Variants in IL5RA observed in about 807,000 individuals in gnomAD.
The protein encoded by IL5RA is interleukin 5 receptor subunit alpha.
Under a neutral mutation model 50.0 loss-of-function variants are expected in IL5RA, and 49 were observed. The ratio of observed to expected loss-of-function variants is 0.98; its 90% CI spans 0.78 to 1.24. The LOEUF is 1.24. IL5RA is among the 50% of genes most tolerant of loss of function. The probability of loss-of-function intolerance (pLI) is 0.00; values close to 1 mark genes in which losing one functional copy is unlikely to be tolerated. For missense variants in IL5RA, 600 were observed against 500.4 expected (o/e 1.20, Z -1.90); for synonymous variants, 202 against 174.0 (o/e 1.16, Z -1.26).
chr3:3,070,250 T>C lies in IL5RA; in HGVS notation c.1238A>G (p.Glu413Gly). 1 of 1,613,176 alleles carries C rather than the reference T, an allele frequency of 6.2e-7. No homozygotes were observed. The highest frequency in any genetic ancestry group is 2.2e-5 in the East Asian group (1 of 44,850). The change falls in exon 12 of 12, where the codon GAG becomes GGG. Residue 413 changes from glutamate to glycine, a missense_variant. Physicochemically the swap from Glu to Gly is moderately conservative, Grantham distance 98. Coordinates refer to ENST00000446632, the MANE Select transcript of IL5RA (RefSeq NM_175726.4). ...TCAAAACACAGAATCCTCCAGGGTC[T>C]CAACTCCAGGCTTCTCTATATAACA... Reference protein sequence around the residue: ...VICYIEKPGVETLEDSVF With the variant: ...VICYIEKPGVGTLEDSVF
At chr3:3,097,807 C>A in intron 7 of IL5RA, 63 bp downstream of exon 7, 2 of 1,529,328 alleles carry the variant, frequency 1.3e-6, no homozygotes, top group South Asian at 1.2e-5. Flanking sequence ...CTTTATAACC[C>A]TTCCTTCCAG....
At chr3:3,086,907 T>A (rs2125965680) in intron 9 of IL5RA, among the ~76,000 whole-genome samples, 1 of 152,314 alleles carries the variant, frequency 6.6e-6, no homozygotes, top group African/African-American at 2.4e-5. Context: ...CAATAATGTC[T>A]TTTGCAGCAA....
At chr3:3,072,128 G>A (rs1046128992) in intron 11 of IL5RA, among the ~76,000 whole-genome samples, 4 of 152,232 alleles carry the variant, frequency 2.6e-5, no homozygotes, top group African/African-American at 9.6e-5. Flanking sequence ...GAATGGGTTG[G>A]ATGGCTTTTG....
At chr3:3,075,822 G>C (rs376382016) in intron 10 of IL5RA, among the ~76,000 whole-genome samples, 13 of 151,964 alleles carry the variant, frequency 8.6e-5, no homozygotes, top group South Asian at 8.3e-4. Flanking sequence ...GGGTGGTCTC[G>C]ATCTCCTGAC....
At chr3:3,085,053 G>A (rs1402322198) in intron 9 of IL5RA, among the ~76,000 whole-genome samples, 1 of 152,350 alleles carries the variant, frequency 6.6e-6, no homozygotes, top group East Asian at 1.9e-4. Context: ...GCCTCCTTCA[G>A]GCTAGTGGGA....
rs754014814 is a variant in IL5RA at position 3,098,284 on chromosome 3, G to T, written c.374C>A (p.Pro125His). 6.2e-7 allele frequency: 1 copy of T among 1,613,640 alleles called. No individual in the cohort carries two copies. The highest frequency in any genetic ancestry group is 8.5e-7 in the Non-Finnish European group (1 of 1,179,624). Residue 125 changes from proline (P) to histidine (H), a missense_variant, in exon 6 of 12, where the codon CCT becomes CAT. Pro to His is a moderately conservative substitution (Grantham distance 77). Transcript: ENST00000446632. ...AGTTAAATTCACAATTGAGGTTCCAGGAGACCCTAGGTAGTCAAAAGTAAA... is the reference window on the plus strand; with the variant it reads ...AGTTAAATTCACAATTGAGGTTCCATGAGACCCTAGGTAGTCAAAAGTAAA... ...SAELHAPPGS[P>H]GTSIVNLTCT...
At chr3:3,104,589 G>A (rs1703813575) in intron 3 of IL5RA, among the ~76,000 whole-genome samples, 1 of 114,312 alleles carries the variant, frequency 8.7e-6, no homozygotes, top group Admixed American at 8.7e-5. Context: ...GTTTGGTCAT[G>A]GGGCCTTCTA....
In IL5RA at chr3:3,098,014, T is replaced by G; in HGVS notation, c.565A>C (p.Thr189Pro). ...TEECQEYSKD[T>P]LGRNIACWFP... ...CAGCATGCGATATTTCTCCCCAGTG[T>G]GTCTTTGCTGTATTCTTGGCATTCT... The change falls in exon 7 of 12, where the codon ACA becomes CCA. Residue 189 changes from threonine (T) to proline (P), a missense_variant. Coordinates refer to ENST00000446632, the MANE Select transcript of IL5RA (RefSeq NM_175726.4). 6.2e-7 allele frequency: 1 copy of G among 1,614,256 alleles called. No homozygotes were observed. The highest frequency in any genetic ancestry group is 8.5e-7 in the Non-Finnish European group (1 of 1,180,052).
intron 9 of IL5RA, among the ~76,000 whole-genome samples, chr3:3,091,647 G>T (rs1056358282): frequency 6.6e-6 from 1 of 152,096 alleles, no homozygotes; most frequent in African/African-American, 2.4e-5. Context: ...CAGGAGAATC[G>T]CTCGAACCCA....
intron 11 of IL5RA, among the ~76,000 whole-genome samples, chr3:3,071,968 C>T (rs1243109732): frequency 6.6e-6 from 1 of 152,174 alleles, no homozygotes; most frequent in Non-Finnish European, 1.5e-5. Flanking sequence ...TCCTCTAAGT[C>T]CTGGGACTTT....
chr3:3,076,594 A>G lies in IL5RA; in HGVS notation c.1028T>C (p.Phe343Ser). The G allele has an allele frequency of 6.2e-7, 1 of 1,611,992 alleles. No homozygotes were observed. The highest frequency in any genetic ancestry group is 8.5e-7 in the Non-Finnish European group (1 of 1,178,214). ...NDEHKPLREW[F>S]VIVIMATICF... is the part of the protein sequence containing the mutation. ...GATGGTTGCCATAATCACAATGACA[A>G]ACCACTCTCTCAAGGGCTTGTGTTC... Residue 343 changes from phenylalanine (F) to serine (S), a missense_variant, in exon 10 of 12, where the codon TTT becomes TCT. Physicochemically the swap from Phe to Ser is radical, Grantham distance 155. Transcript: ENST00000446632.
chr3:3,091,843 T>A (rs1240816430), intron 9 of IL5RA: 5 of 288,622 alleles, frequency 1.7e-5, no homozygotes, highest in Non-Finnish European at 2.1e-5. Flanking sequence ...TATAGTTTTG[T>A]AAGATGTTAC....
In IL5RA at chr3:3,098,064, T is replaced by G. The variant is rs1703447616; in HGVS notation, c.522-7A>C. ...TTCAGTCCAAGAGCCATACCTAAATTGGAACATTTACGAGTGTTATGAGGT... is the reference window on the plus strand; with the variant it reads ...TTCAGTCCAAGAGCCATACCTAAATGGGAACATTTACGAGTGTTATGAGGT... On this transcript the variant is annotated splice_region_variant and splice_polypyrimidine_tract_variant and intron_variant, in intron 6 of 11. Coordinates refer to ENST00000446632, the MANE Select transcript of IL5RA (RefSeq NM_175726.4). The G allele has an allele frequency of 6.2e-7, 1 of 1,614,014 alleles. No individual in the cohort carries two copies.
intron 9 of IL5RA, among the ~76,000 whole-genome samples, chr3:3,078,957 T>C (rs1173518233): frequency 1.3e-5 from 2 of 152,208 alleles, no homozygotes; most frequent in Admixed American, 1.3e-4. Context: ...GGTTTCTTTT[T>C]CCAGCTTTAT....
At chr3:3,074,248 T>C (rs1056964983) in intron 11 of IL5RA, among the ~76,000 whole-genome samples, 25 of 152,220 alleles carry the variant, frequency 1.6e-4, no homozygotes, top group Non-Finnish European at 3.5e-4. Context: ...GATATTCATG[T>C]GGAAACATGG....
At position 3,110,125 on chromosome 3, in the gene IL5RA, A is replaced by C. The variant is rs1704113741; in HGVS notation, c.-326T>G. 1 of 152,208 alleles carries C rather than the reference A, an allele frequency of 6.6e-6. No homozygotes were observed. The highest frequency in any genetic ancestry group is 6.5e-5 in the Admixed American group (1 of 15,274). The allele number at this position is 152,208 out of a possible 1,614,324, so 9.4% of individuals were successfully genotyped here. A position where few individuals can be genotyped will look rare whatever the true frequency, so the allele number is the denominator to read the frequency against. On this transcript the variant is annotated 5_prime_UTR_variant, in exon 1 of 12. Coordinates refer to ENST00000446632, the MANE Select transcript of IL5RA (RefSeq NM_175726.4). ...GGATGGCAACACGTTTTCTCTAAGC[A>C]AATATGGAGGAGGATTTGTACAGAG...
intron 9 of IL5RA, among the ~76,000 whole-genome samples, chr3:3,090,603 A>C (rs1559869295): frequency 1.8e-5 from 2 of 113,184 alleles, no homozygotes; most frequent in South Asian, 2.6e-4. Context: ...GTCTCACTCT[A>C]TTGCCCGGGC....
chr3:3,087,124 A>G (rs1323927224), intron 9 of IL5RA, among the ~76,000 whole-genome samples: 1 of 152,174 alleles, frequency 6.6e-6, no homozygotes, highest in Non-Finnish European at 1.5e-5. Context: ...GATGTAAACT[A>G]TTTAGCTGAT....
chr3:3,074,522 T>C (rs1296761181), intron 11 of IL5RA, among the ~76,000 whole-genome samples: 2 of 152,186 alleles, frequency 1.3e-5, no homozygotes, highest in Admixed American at 1.3e-4. Flanking sequence ...CAGTCCCAGC[T>C]ACTTGGGAGG....
Sources: gnomAD v4.1 joint callset for allele counts (sites outside exome capture counted in the v4.1 genomes callset) on GRCh38, gnomAD v4.1.1 for gene constraint, MANE v1.5 for transcripts, NCBI Gene and HGNC (gene_info 2026-07-23, HGNC 2026-07-21) for gene names.